Variants in TRPC4 observed in about 807,000 individuals in gnomAD.
TRPC4 encodes short transient receptor potential channel 4.
Under a neutral mutation model 99.4 loss-of-function variants are expected in TRPC4, and 49 were observed. The ratio of observed to expected loss-of-function variants is 0.49; its 90% CI spans 0.39 to 0.63. The LOEUF (loss-of-function observed/expected upper bound fraction) is 0.63. TRPC4 is among the 20% of genes least tolerant of loss of function. The pLI, the probability that TRPC4 is intolerant of heterozygous loss-of-function variation, is 0.00. For synonymous variants in TRPC4, 454 were observed against 425.9 expected, an observed-to-expected ratio of 1.07 and a Z score of -0.81; for missense variants, 898 against 1,152.9, an observed-to-expected ratio of 0.78 and a Z score of 3.20.
At chr13:37,729,306 A>G (rs1593604554) in intron 3 of TRPC4, among the ~76,000 whole-genome samples, 1 of 152,204 alleles carries the variant, frequency 6.6e-6, no homozygotes, top group East Asian at 1.9e-4. Flanking sequence ...TAGGATGGCC[A>G]CTGTTTACAA....
intron 1 of TRPC4, among the ~76,000 whole-genome samples, chr13:37,805,354 T>A (rs1957505073): frequency 6.6e-6 from 1 of 152,050 alleles, no homozygotes; most frequent in Non-Finnish European, 1.5e-5. Context: ...AGTATGTCTT[T>A]ACTGCTGTTT....
Position 37,787,183 on chromosome 13 carries a change from A to G in TRPC4, c.-27-3823T>C, listed in dbSNP as rs78451270. On this transcript the variant is annotated intron_variant, in intron 1 of 10. Coordinates refer to ENST00000379705, the MANE Select transcript of TRPC4 (RefSeq NM_016179.4). ...AGATCTCCATTCTTTAGTATGTATT[A>G]CTAAAGAGGAAATGAATTTCCCTGA... Among the ~76,000 whole-genome samples, 10 of 152,178 alleles carry G rather than the reference A, an allele frequency of 6.6e-5. No individual in the cohort carries two copies. The South Asian group carries it at 1.0e-3, about 16-fold the overall frequency.
At chr13:37,753,553 G>C (rs1331226263) in intron 2 of TRPC4, among the ~76,000 whole-genome samples, 2 of 84,072 alleles carry the variant, frequency 2.4e-5, no homozygotes. Context: ...GAGAGACAGA[G>C]AAAGAAAGAG....
At chr13:37,812,247 C>T in intron 1 of TRPC4, among the ~76,000 whole-genome samples, 1 of 139,370 alleles carries the variant, frequency 7.2e-6, no homozygotes, top group Non-Finnish European at 1.5e-5. Flanking sequence ...GAACATAACT[C>T]AAGATTATTT....
chr13:37,815,905 T>C (rs1266681156), intron 1 of TRPC4, among the ~76,000 whole-genome samples: 1 of 151,470 alleles, frequency 6.6e-6, no homozygotes, highest in African/African-American at 2.4e-5. Context: ...AATCAAATCA[T>C]ACCAAACACA....
At chr13:37,857,368 C>T (rs1466620881) in intron 1 of TRPC4, among the ~76,000 whole-genome samples, 2 of 151,652 alleles carry the variant, frequency 1.3e-5, no homozygotes, top group East Asian at 3.9e-4. Flanking sequence ...AAATTCAATG[C>T]AATCTCTTTC....
intron 3 of TRPC4, among the ~76,000 whole-genome samples, chr13:37,741,266 A>T (rs1320014633): frequency 6.6e-6 from 1 of 152,214 alleles, no homozygotes; most frequent in Non-Finnish European, 1.5e-5. Context: ...TCTTACAAAT[A>T]TTAGGCAAGA....
chr13:37,747,565 G>A (rs1955821588), intron 2 of TRPC4, among the ~76,000 whole-genome samples: 1 of 151,992 alleles, frequency 6.6e-6, no homozygotes, highest in Admixed American at 6.6e-5. Context: ...GAAAAATGAA[G>A]GAAACCACAA....
chr13:37,660,429 A>G (rs990598950), intron 6 of TRPC4, among the ~76,000 whole-genome samples: 3 of 152,158 alleles, frequency 2.0e-5, no homozygotes, highest in African/African-American at 4.8e-5. Flanking sequence ...GCAGAAGCCA[A>G]ATTATAATTG....
At chr13:37,640,933 A>G (rs897978477) in intron 8 of TRPC4, among the ~76,000 whole-genome samples, 1 of 152,202 alleles carries the variant, frequency 6.6e-6, no homozygotes, top group Admixed American at 6.5e-5. Context: ...TTGGGATTCT[A>G]TAACATTTCA....
chr13:37,800,372 G>A (rs7339128), intron 1 of TRPC4, among the ~76,000 whole-genome samples: 46,172 of 151,796 alleles, frequency 0.3, 7,191 homozygotes, highest in East Asian at 0.43. Context: ...TCTGACTGAC[G>A]GTTTTATTGT....
intron 3 of TRPC4, among the ~76,000 whole-genome samples, chr13:37,731,807 C>T (rs1018597636): frequency 3.3e-5 from 5 of 151,974 alleles, no homozygotes; most frequent in African/African-American, 7.2e-5. Context: ...TAAATATTAT[C>T]GAAGTAGTAC....
At chr13:37,744,579 A>G (rs1593638333) in intron 3 of TRPC4, among the ~76,000 whole-genome samples, 1 of 152,182 alleles carries the variant, frequency 6.6e-6, no homozygotes, top group South Asian at 2.1e-4. Flanking sequence ...GAAAAAATTG[A>G]GAAAGCAAGT....
intron 1 of TRPC4, among the ~76,000 whole-genome samples, chr13:37,847,570 CCCTAATTTG>C: frequency 6.6e-6 from 1 of 152,114 alleles, no homozygotes; most frequent in South Asian, 2.1e-4. Flanking sequence ...ATCCTAATTT[CCCTAATTTG>C]ATCATTATAA....
At chr13:37,788,220 A>G (rs1167706832) in intron 1 of TRPC4, among the ~76,000 whole-genome samples, 1 of 151,888 alleles carries the variant, frequency 6.6e-6, no homozygotes, top group East Asian at 1.9e-4. Context: ...TTTCATACCA[A>G]CCTTCACTCT....
intron 3 of TRPC4, among the ~76,000 whole-genome samples, chr13:37,745,457 T>TATATACGCATATATATATATATATGC (rs1955720399): frequency 2.5e-4 from 2 of 8,022 alleles, no homozygotes; most frequent in Non-Finnish European, 4.9e-4. Flanking sequence ...TATATATATA[T>TATATACGCATATATATATATATATGC]ATATATATAT....
At chr13:37,672,520 C>A (rs920029466) in intron 5 of TRPC4, among the ~76,000 whole-genome samples, 7 of 152,042 alleles carry the variant, frequency 4.6e-5, no homozygotes, top group African/African-American at 1.7e-4. Flanking sequence ...TTTGGCAAGC[C>A]CTCCTTATGA....
intron 3 of TRPC4, among the ~76,000 whole-genome samples, chr13:37,715,342 T>C (rs1228681313): frequency 3.9e-5 from 6 of 152,158 alleles, no homozygotes; most frequent in Non-Finnish European, 1.5e-5. Flanking sequence ...CATCTTTGCA[T>C]AGGTTGAATG....
At chr13:37,748,893 C>T (rs573741466) in intron 2 of TRPC4, among the ~76,000 whole-genome samples, 24 of 152,078 alleles carry the variant, frequency 1.6e-4, no homozygotes, top group African/African-American at 5.5e-4. Context: ...CTCAATAAAC[C>T]ATTGCACTGG....
Sources: gnomAD v4.1 joint callset for allele counts (sites outside exome capture counted in the v4.1 genomes callset) on GRCh38, gnomAD v4.1.1 for gene constraint, MANE v1.5 for transcripts, NCBI Gene and HGNC (gene_info 2026-07-23, HGNC 2026-07-21) for gene names.